The following PHF20 variants were observed in gnomAD, a reference collection of about 807,000 sequenced individuals.
PHF20 encodes glioma-expressed antigen 2.
In PHF20, 23 loss-of-function variants were observed where a neutral mutation model predicts 113.5. The ratio of observed to expected loss-of-function variants is 0.20; its 90% CI spans 0.15 to 0.29. The LOEUF (loss-of-function observed/expected upper bound fraction) is 0.29, where lower values mean the gene tolerates loss of function less well. Ranked by LOEUF, PHF20 falls within the 10% of genes least tolerant of loss-of-function variation. The probability of loss-of-function intolerance (pLI) is 1.00; values close to 1 mark genes in which losing one functional copy is unlikely to be tolerated. For synonymous variants in PHF20, 434 were observed against 457.3 expected (o/e 0.95, Z 0.65); for missense variants, 943 against 1,219.6 (o/e 0.77, Z 3.38).
chr20:35,886,139 CT>C (rs199904992), intron 9 of PHF20, among the ~76,000 whole-genome samples: 31,817 of 137,164 alleles, frequency 0.23, 3,474 homozygotes, highest in African/African-American at 0.37. Flanking sequence ...TCAGTAAATA[CT>C]TTTTTTTTTT....
At chr20:35,818,489 G>A (rs1286679438) in intron 2 of PHF20, among the ~76,000 whole-genome samples, 1 of 151,890 alleles carries the variant, frequency 6.6e-6, no homozygotes, top group Non-Finnish European at 1.5e-5. Context: ...TAAACTTCTG[G>A]GCTCAAGCAG....
At chr20:35,780,786 G>T (rs1216220307) in intron 1 of PHF20, among the ~76,000 whole-genome samples, 1 of 147,680 alleles carries the variant, frequency 6.8e-6, no homozygotes, top group Non-Finnish European at 1.5e-5. Context: ...GATCTCAGAT[G>T]ATCCACCAGC....
At chr20:35,874,980 G>C (rs1376951145) in intron 9 of PHF20, among the ~76,000 whole-genome samples, 2 of 152,068 alleles carry the variant, frequency 1.3e-5, no homozygotes, top group Non-Finnish European at 2.9e-5. Flanking sequence ...CATGCCTATA[G>C]TCCCAGCTAC....
At chr20:35,818,315 A>G (rs2042111942) in intron 2 of PHF20, among the ~76,000 whole-genome samples, 1 of 152,022 alleles carries the variant, frequency 6.6e-6, no homozygotes, top group African/African-American at 2.4e-5. Flanking sequence ...AAATTAGCTG[A>G]GGTGGAAGGA....
intron 9 of PHF20, among the ~76,000 whole-genome samples, chr20:35,875,739 G>A (rs1289643760): frequency 6.6e-6 from 1 of 152,130 alleles, no homozygotes; most frequent in Non-Finnish European, 1.5e-5. Context: ...TTTTAATTAT[G>A]TTGTCTTAAG....
At chr20:35,872,880 G>A (rs2054448029) in intron 9 of PHF20, among the ~76,000 whole-genome samples, 1 of 152,252 alleles carries the variant, frequency 6.6e-6, no homozygotes, top group Non-Finnish European at 1.5e-5. Context: ...GTTGTCATGT[G>A]TTTGTTCTGT....
chr20:35,871,002 T>C lies in PHF20; in HGVS notation c.970T>C (p.Ser324Pro), dbSNP rs1313093715. The change falls in exon 8 of 18, where the codon TCG (serine) becomes CCG (proline). Residue 324 changes from serine (S) to proline (P), a missense_variant. Transcript: ENST00000374012. ...CTCGGAAAACACTGACAAAGACTTA[T>C]CGAGGAGACGTTCCTCCAGGCTGTC... ...NYSENTDKDL[S>P]RRRSSRLSTN... is the part of the protein sequence containing the mutation. The C allele has an allele frequency of 6.2e-6, 10 of 1,610,556 alleles. No homozygotes were observed. Among genetic ancestry groups the C allele is most frequent in the Non-Finnish European group, 8.5e-6 (10 of 1,179,260 alleles).
chr20:35,813,999 C>T (rs2042023295), intron 2 of PHF20, among the ~76,000 whole-genome samples: 1 of 146,732 alleles, frequency 6.8e-6, no homozygotes, highest in South Asian at 2.1e-4. Flanking sequence ...TAGCTATGAT[C>T]ACACCACTGC....
intron 9 of PHF20, among the ~76,000 whole-genome samples, chr20:35,885,172 A>G (rs1448146151): frequency 1.3e-5 from 2 of 152,150 alleles, no homozygotes; most frequent in Non-Finnish European, 2.9e-5. Context: ...GAATTGTTTG[A>G]AAATAAATTG....
chr20:35,805,100 C>T (rs1367459331), intron 2 of PHF20, among the ~76,000 whole-genome samples: 2 of 151,474 alleles, frequency 1.3e-5, no homozygotes, highest in Non-Finnish European at 2.9e-5. Context: ...GCCGGTGTTT[C>T]ACCATGTTGG....
chr20:35,781,970 CTG>C (rs2041307274), intron 1 of PHF20, among the ~76,000 whole-genome samples: 1 of 141,396 alleles, frequency 7.1e-6, no homozygotes, highest in African/African-American at 3.2e-5. Context: ...AATTATAACT[CTG>C]TACCCATTAA....
rs1316584726 is a variant in PHF20 at position 35,941,139 on chromosome 20, G to A, written c.2896+92G>A. The stretch of plus-strand genomic sequence containing the variant: ...CTGAACCCCCCAGTCTGAGTTTACA[G>A]GGACCGCTGTACTCTTTGCTTCTCT... On this transcript the variant is annotated intron_variant, in intron 17 of 17. Transcript: ENST00000374012. 4 of 990,970 alleles carry A rather than the reference G, an allele frequency of 4.0e-6. No individual in the cohort carries two copies. In the African/African-American group the frequency reaches 4.9e-5, roughly 12 times the overall value. The allele number at this position is 990,970 out of a possible 1,614,324, so 61.4% of individuals were successfully genotyped here.
chr20:35,919,309 G>A (rs2055465838), intron 13 of PHF20, among the ~76,000 whole-genome samples: 1 of 150,742 alleles, frequency 6.6e-6, no homozygotes. Flanking sequence ...GAGCCACCGC[G>A]CCTGGCAAAA....
chr20:35,856,165 A>C (rs2042824132), intron 4 of PHF20, among the ~76,000 whole-genome samples: 1 of 152,014 alleles, frequency 6.6e-6, no homozygotes, highest in Non-Finnish European at 1.5e-5. Flanking sequence ...CGTAAGTTCA[A>C]TTGTTTTAAT....
intron 4 of PHF20, among the ~76,000 whole-genome samples, chr20:35,848,961 CA>C (rs1391340221): frequency 6.6e-6 from 1 of 151,778 alleles, no homozygotes; most frequent in Non-Finnish European, 1.5e-5. Context: ...TGGTCATTTG[CA>C]ACGCTAATAT....
At chr20:35,878,225 C>A (rs772690285) in intron 9 of PHF20, among the ~76,000 whole-genome samples, 2 of 152,096 alleles carry the variant, frequency 1.3e-5, no homozygotes, top group African/African-American at 4.8e-5. Flanking sequence ...GAGATGAATG[C>A]GACATCTGTT....
intron 10 of PHF20, among the ~76,000 whole-genome samples, chr20:35,909,299 A>G (rs1049574375): frequency 1.2e-4 from 18 of 151,600 alleles, no homozygotes; most frequent in Non-Finnish European, 2.9e-5. Flanking sequence ...GCACCAACTG[A>G]ATAGAATGTA....
chr20:35,932,752 G>GT (rs1293486693), intron 15 of PHF20, among the ~76,000 whole-genome samples: 1 of 152,124 alleles, frequency 6.6e-6, no homozygotes, highest in Non-Finnish European at 1.5e-5. Context: ...ATTTTTAAGT[G>GT]TACAGCTCTG....
At chr20:35,828,700 CTG>C (rs1568620452) in intron 2 of PHF20, among the ~76,000 whole-genome samples, 1 of 152,168 alleles carries the variant, frequency 6.6e-6, no homozygotes, top group Non-Finnish European at 1.5e-5. Context: ...CAGTGCTTTA[CTG>C]TCTTACAGCC....
Sources: gnomAD v4.1 joint callset for allele counts (sites outside exome capture counted in the v4.1 genomes callset) on GRCh38, gnomAD v4.1.1 for gene constraint, MANE v1.5 for transcripts, NCBI Gene and HGNC (gene_info 2026-07-23, HGNC 2026-07-21) for gene names.